MYH7B: variants seen among roughly 807,000 people sequenced by gnomAD.
MYH7B encodes the protein myosin-7B.
Under a neutral mutation model 234.5 loss-of-function variants are expected in MYH7B, and 205 were observed. The observed-to-expected ratio is 0.87, with a 90% CI of 0.78 to 0.98. The LOEUF is 0.98. Among genes scored for constraint, MYH7B ranks in the 50% least tolerant of loss-of-function variants. MYH7B has a pLI of 0.00. For synonymous variants in MYH7B, 1,193 were observed against 1,105.0 expected (o/e 1.08, Z -1.58); for missense variants, 2,652 against 2,633.4 (o/e 1.01, Z -0.15).
exon 5 of MYH7B, chr20:34,977,975 GCTC>G (rs1171749881): frequency 6.2e-7 from 1 of 1,614,012 alleles, no homozygotes; most frequent in East Asian, 2.2e-5. Flanking sequence ...AGGGTTTCCA[GCTC>G]CTCCTCCTTC....
At chr20:34,983,814 GTGAA>G (rs2081976618) in intron 10 of MYH7B, among the ~76,000 whole-genome samples, 1 of 152,232 alleles carries the variant, frequency 6.6e-6, no homozygotes, top group Non-Finnish European at 1.5e-5. Context: ...CTCCCTGGAG[GTGAA>G]TGAATGACCA....
chr20:35,000,502 G>T, exon 39 of MYH7B: 1 of 1,598,346 alleles, frequency 6.3e-7, no homozygotes, highest in Non-Finnish European at 8.5e-7. Flanking sequence ...CAGGCAGGGC[G>T]GGACGAGGAG....
chr20:34,968,244 G>A (rs1369051778), intron 2 of MYH7B, among the ~76,000 whole-genome samples: 3 of 152,204 alleles, frequency 2.0e-5, no homozygotes. Context: ...AGGCCTGAAC[G>A]AGTCCCTGCA....
intron 5 of MYH7B, among the ~76,000 whole-genome samples, chr20:34,978,409 A>G (rs2081890816): frequency 6.6e-6 from 1 of 152,140 alleles, no homozygotes; most frequent in South Asian, 2.1e-4. Flanking sequence ...ACTGATCGGC[A>G]TGTGTGCAGG....
intron 2 of MYH7B, among the ~76,000 whole-genome samples, chr20:34,968,019 C>T (rs1194961970): frequency 6.6e-6 from 1 of 152,252 alleles, no homozygotes; most frequent in Admixed American, 6.5e-5. Flanking sequence ...ACCCACAGAG[C>T]CACAGCTGCA....
At chr20:34,983,450 A>T (rs561775042) in intron 10 of MYH7B, among the ~76,000 whole-genome samples, 36 of 151,442 alleles carry the variant, frequency 2.4e-4, no homozygotes, top group Non-Finnish European at 4.7e-4. Flanking sequence ...CCAAATCCCT[A>T]AAAAGGTCTC....
At position 34,999,232 on chromosome 20, in the gene MYH7B, TGGAAC is replaced by T. The variant is rs776875100; in HGVS notation, c.4370_4374del (p.Glu1457GlyfsTer42). 151 of 1,610,132 alleles carry T rather than the reference TGGAAC, an allele frequency of 9.4e-5. No homozygotes were observed. The highest frequency in any genetic ancestry group is 1.3e-4 in the Non-Finnish European group (149 of 1,178,546). ...GCGCTGGACAAGAAGCAGCGGCACT[TGGAAC>T]GGGCACTGGAGGAACGGCGGCGGCA... is the stretch of plus-strand genomic sequence containing the variant. On this transcript the variant is annotated frameshift_variant, in exon 36 of 45. Transcript: ENST00000262873. LOFTEE classifies it high-confidence loss of function.
At chr20:34,973,070 C>T (rs2081807404) in intron 2 of MYH7B, among the ~76,000 whole-genome samples, 1 of 152,190 alleles carries the variant, frequency 6.6e-6, no homozygotes, top group African/African-American at 2.4e-5. Context: ...TTTGATGGCG[C>T]CCCAACTCCT....
intron 24 of MYH7B, 80 bp downstream of exon 24, chr20:34,991,201 C>G (rs1016915811): frequency 3.0e-6 from 3 of 985,134 alleles, no homozygotes; most frequent in Non-Finnish European, 4.5e-6. Flanking sequence ...CAGAGCCCAA[C>G]AGACGGTCCC....
At chr20:34,987,973 TG>T (rs35355182) in intron 18 of MYH7B, 59 bp downstream of exon 18, 13 of 1,557,318 alleles carry the variant, frequency 8.3e-6, no homozygotes, top group Admixed American at 5.5e-5. Context: ...CATGGGCCTG[TG>T]GGGGGGCAGA....
At chr20:34,973,327 CTTT>C (rs1160316744) in intron 2 of MYH7B, among the ~76,000 whole-genome samples, 4 of 152,246 alleles carry the variant, frequency 2.6e-5, no homozygotes, top group Admixed American at 2.0e-4. Context: ...CCTTGAGTAT[CTTT>C]CCTTTCCTAG....
chr20:34,993,379 G>A (rs2082193253), exon 26 of MYH7B: 1 of 1,613,672 alleles, frequency 6.2e-7, no homozygotes, highest in Non-Finnish European at 8.5e-7. Context: ...AGAGCTCCGT[G>A]ACCAGCGCCT....
exon 4 of MYH7B, chr20:34,977,670 G>T: frequency 6.3e-7 from 1 of 1,580,928 alleles, no homozygotes; most frequent in Non-Finnish European, 8.6e-7. Context: ...TGCCCTCACC[G>T]TGGTGCCGAG....
Position 35,001,292 on chromosome 20 carries a change from C to T in MYH7B, c.5523C>T (p.Ala1841=), listed in dbSNP as rs573737805. The change falls in exon 42 of 45, where the codon GCC becomes GCT. Residue 1841 remains alanine, a synonymous_variant. Transcript: ENST00000262873. ...TTGATGCAGAGCAGAAGAAGCACGC[C>T]GAGGCCCTTAAGGGCGTGCGCAAGC... The T allele has an allele frequency of 7.7e-5, 125 of 1,612,948 alleles. No individual in the cohort carries two copies. In the South Asian group the frequency reaches 9.4e-4, roughly 12 times the overall value.
chr20:34,969,781 G>A (rs2081776054), intron 2 of MYH7B, among the ~76,000 whole-genome samples: 2 of 151,948 alleles, frequency 1.3e-5, no homozygotes, highest in Non-Finnish European at 1.5e-5. Context: ...CTGACCTCAG[G>A]GGATCTGCCT....
At position 34,999,302 on chromosome 20, in the gene MYH7B, G is replaced by A. The variant is rs11908044; in HGVS notation, c.4437G>A (p.Arg1479=). Residue 1479 remains arginine (R), a synonymous_variant, in exon 36 of 45, where the codon AGG becomes AGA. Transcript: ENST00000262873. The stretch of plus-strand genomic sequence containing the variant: ...AGCGGGAGCTGGAGGCGGCACAGAG[G>A]GAGTCCCGTGGCCTGGGCACCGAGC... 94 of 1,583,460 alleles carry A rather than the reference G, an allele frequency of 5.9e-5. No individual in the cohort carries two copies. The African/African-American group carries it at 1.2e-3, about 20-fold the overall frequency.
At chr20:34,990,378 C>A (rs1373970781) in intron 22 of MYH7B, 68 bp downstream of exon 22, 10 of 1,553,808 alleles carry the variant, frequency 6.4e-6, no homozygotes, top group Non-Finnish European at 8.9e-6. Flanking sequence ...CACCCCCTGC[C>A]CTGTCCCCTG....
chr20:34,978,549 T>C (rs189871949), intron 5 of MYH7B, among the ~76,000 whole-genome samples: 23 of 152,248 alleles, frequency 1.5e-4, no homozygotes, highest in Admixed American at 1.5e-3. Context: ...CATAGGACAA[T>C]ACTAACAATA....
intron 24 of MYH7B, 65 bp downstream of exon 24, chr20:34,991,186 CAT>C: frequency 8.7e-7 from 1 of 1,151,444 alleles, no homozygotes; most frequent in South Asian, 1.4e-5. Context: ...GCAGGACACA[CAT>C]ATCAGAGCCC....
Sources: allele counts gnomAD v4.1 joint callset (sites outside exome capture counted in the v4.1 genomes callset), GRCh38; gene constraint gnomAD v4.1.1; transcripts MANE v1.5; gene names NCBI Gene and HGNC (gene_info 2026-07-23, HGNC 2026-07-21).